The following ATP8A1 variants were observed in gnomAD, a reference collection of about 807,000 sequenced individuals.
ATP8A1 encodes the protein ATPase phospholipid transporting 8A1.
A neutral mutation model predicts 177.7 loss-of-function variants in ATP8A1; 90 were observed. The ratio of observed to expected loss-of-function variants is 0.51; its 90% CI spans 0.43 to 0.60. The LOEUF is 0.60. Ranked by LOEUF, ATP8A1 falls within the 20% of genes least tolerant of loss-of-function variation. ATP8A1 has a pLI of 0.00. For synonymous variants in ATP8A1, 493 were observed against 485.9 expected (o/e 1.01, Z -0.19); for missense variants, 1,072 against 1,392.8 (o/e 0.77, Z 3.67).
intron 1 of ATP8A1, among the ~76,000 whole-genome samples, chr4:42,646,094 C>T (rs1046587112): frequency 2.6e-5 from 4 of 152,200 alleles, no homozygotes; most frequent in Admixed American, 2.0e-4. Flanking sequence ...CATGGGGCAA[C>T]GATGTGGGTT....
intron 19 of ATP8A1, among the ~76,000 whole-genome samples, chr4:42,548,330 C>T (rs908870017): frequency 1.3e-5 from 2 of 152,176 alleles, no homozygotes; most frequent in South Asian, 2.1e-4. Context: ...GTTTCCAGAT[C>T]ACCAGCCATA....
At chr4:42,592,090 G>GA (rs924446159) in intron 6 of ATP8A1, among the ~76,000 whole-genome samples, 1 of 151,800 alleles carries the variant, frequency 6.6e-6, no homozygotes. Flanking sequence ...ACCCTTTGAG[G>GA]AAAAAAAATA....
chr4:42,455,742 G>T, intron 27 of ATP8A1, 143 bp from the exon 28 acceptor site: 2 of 762,340 alleles, frequency 2.6e-6, no homozygotes, highest in East Asian at 2.8e-5. Flanking sequence ...CATTTCTTTG[G>T]TTTACTTTCT....
At chr4:42,622,147 G>GGCA (rs1737529560) in intron 4 of ATP8A1, among the ~76,000 whole-genome samples, 2 of 151,632 alleles carry the variant, frequency 1.3e-5, no homozygotes, top group Non-Finnish European at 2.9e-5. Context: ...AGGCCAAGGT[G>GGCA]GGTGGATCAC....
At chr4:42,615,500 T>C (rs1293516155) in intron 5 of ATP8A1, among the ~76,000 whole-genome samples, 1 of 151,904 alleles carries the variant, frequency 6.6e-6, no homozygotes, top group Non-Finnish European at 1.5e-5. Flanking sequence ...GTATTGAAGA[T>C]CATTTTGCTT....
At chr4:42,566,926 C>G (rs1232281916) in intron 15 of ATP8A1, among the ~76,000 whole-genome samples, 1 of 152,136 alleles carries the variant, frequency 6.6e-6, no homozygotes, top group Non-Finnish European at 1.5e-5. Context: ...TCAGTGTGGG[C>G]TGACTATGTG....
At chr4:42,510,758 C>T (rs968745304) in intron 22 of ATP8A1, among the ~76,000 whole-genome samples, 3 of 152,092 alleles carry the variant, frequency 2.0e-5, no homozygotes, top group African/African-American at 7.2e-5. Context: ...AATACATTAC[C>T]ACTCACATAC....
chr4:42,486,017 G>T (rs1722162815), intron 24 of ATP8A1, among the ~76,000 whole-genome samples: 1 of 152,158 alleles, frequency 6.6e-6, no homozygotes, highest in South Asian at 2.1e-4. Flanking sequence ...AATAGCACTT[G>T]AACATAAATT....
At chr4:42,544,039 A>G (rs1728655987) in intron 19 of ATP8A1, 53 bp from the exon 20 acceptor site, 3 of 1,405,796 alleles carry the variant, frequency 2.1e-6, no homozygotes, top group Non-Finnish European at 2.0e-6. Flanking sequence ...ATATGCATGT[A>G]TGTGTTTGTC....
In ATP8A1 at chr4:42,465,823, G is replaced by A. The variant is rs1197415535; in HGVS notation, c.2325-747C>T. Among the ~76,000 whole-genome samples, 3 of 152,120 alleles carry A rather than the reference G, an allele frequency of 2.0e-5. No homozygotes were observed. In the East Asian group the frequency reaches 5.8e-4, roughly 29 times the overall value. ...CAAGGCAGGTGGATCACGAGGTCAG[G>A]AGATTGAGACCATCCTGGCTAACAC... On this transcript the variant is annotated intron_variant, in intron 25 of 36. Transcript: ENST00000381668.
At position 42,590,492 on chromosome 4, in the gene ATP8A1, T is replaced by C. The variant is rs114157688; in HGVS notation, c.524+319A>G. 6.5e-3 allele frequency among the ~76,000 whole-genome samples: 986 copies of C among 152,270 alleles called. 7 individuals carry two copies. The highest frequency in any genetic ancestry group is 8.2e-3 in the Non-Finnish European group (558 of 68,022). On this transcript the variant is annotated intron_variant, in intron 7 of 36. Coordinates refer to ENST00000381668, the MANE Select transcript of ATP8A1 (RefSeq NM_006095.2). ...CCCGGAGAGATAATAAATTAAGCCT[T>C]AGTACTTAGGCATGTTATTAAATAC... is the stretch of plus-strand genomic sequence containing the variant.
chr4:42,594,334 T>A, intron 6 of ATP8A1: 1 of 1,602,286 alleles, frequency 6.2e-7, no homozygotes, highest in Non-Finnish European at 8.5e-7. Context: ...CTCTTTGCCT[T>A]TTATTATAAC....
chr4:42,648,626 AAT>A (rs1360765568), intron 1 of ATP8A1, among the ~76,000 whole-genome samples: 1 of 152,130 alleles, frequency 6.6e-6, no homozygotes, highest in Non-Finnish European at 1.5e-5. Context: ...TATCTTGAAA[AAT>A]ATGACATTAA....
intron 29 of ATP8A1, 115 bp downstream of exon 29, chr4:42,455,182 C>T (rs1718345916): frequency 7.6e-7 from 1 of 1,323,400 alleles, no homozygotes; most frequent in Non-Finnish European, 1.0e-6. Flanking sequence ...AGTCGGTACC[C>T]TGGAGTTGTC....
At chr4:42,558,988 C>T (rs1308245972) in intron 15 of ATP8A1, among the ~76,000 whole-genome samples, 7 of 152,270 alleles carry the variant, frequency 4.6e-5, no homozygotes, top group Non-Finnish European at 8.8e-5. Context: ...CCAGCCTGGG[C>T]AACACAGCAA....
chr4:42,624,714 C>A, intron 3 of ATP8A1, 80 bp from the exon 4 acceptor site: 1 of 720,320 alleles, frequency 1.4e-6, no homozygotes, highest in Non-Finnish European at 2.1e-6. Context: ...AGTCTCAGTG[C>A]CTTCTAAAAT....
chr4:42,524,781 C>A lies in ATP8A1; in HGVS notation c.1789G>T (p.Glu597Ter). Residue 597 changes from glutamate (E) to a stop codon, truncating the protein, a stop_gained, in exon 21 of 37, where the codon GAG becomes TAG. Coordinates refer to ENST00000381668, the MANE Select transcript of ATP8A1 (RefSeq NM_006095.2). LOFTEE classifies it high-confidence loss of function. ...KYKEITLKHL[E>*]QFATEGLRTL... ...CACTTACCTTCTGTAGCAAACTGCT[C>A]TAAATGTTTTAGGGTAATTTCTTTG... The A allele has an allele frequency of 6.2e-7, 1 of 1,608,634 alleles. No homozygotes were observed. Among genetic ancestry groups the A allele is most frequent in the South Asian group, 1.1e-5 (1 of 90,448 alleles).
chr4:42,656,073 G>A, intron 1 of ATP8A1, among the ~76,000 whole-genome samples: 1 of 152,218 alleles, frequency 6.6e-6, no homozygotes, highest in East Asian at 1.9e-4. Context: ...GCTCCTCGGA[G>A]ACGATGAAGA....
chr4:42,520,691 T>G (rs1460985720), intron 22 of ATP8A1, among the ~76,000 whole-genome samples: 1 of 152,184 alleles, frequency 6.6e-6, no homozygotes, highest in African/African-American at 2.4e-5. Context: ...ACACCATACA[T>G]GCTATCCCAT....
Sources: allele counts gnomAD v4.1 joint callset (sites outside exome capture counted in the v4.1 genomes callset), GRCh38; gene constraint gnomAD v4.1.1; transcripts MANE v1.5; gene names NCBI Gene and HGNC (gene_info 2026-07-23, HGNC 2026-07-21).